ABHD6: variants seen among roughly 807,000 people sequenced by gnomAD.
The protein encoded by ABHD6 is monoacylglycerol lipase ABHD6.
In ABHD6, 33 loss-of-function variants were observed where a neutral mutation model predicts 38.8. The ratio of observed to expected loss-of-function variants is 0.85; its 90% CI spans 0.64 to 1.14. The LOEUF (loss-of-function observed/expected upper bound fraction) is 1.14. ABHD6 is among the 50% of genes most tolerant of loss of function. ABHD6 has a pLI of 0.00. For synonymous variants in ABHD6, 147 were observed against 161.6 expected (o/e 0.91, Z 0.69); for missense variants, 380 against 422.6 (o/e 0.90, Z 0.88).
chr3:58,265,280 A>G lies in ABHD6; in HGVS notation c.120-1909A>G, dbSNP rs991859453. Reference sequence around the variant, plus strand: ...TTTTTTATGTTTGTTAGTCATTAATATCTTTTCTACTCTAAGGTACCTTTT... The same window carrying G: ...TTTTTTATGTTTGTTAGTCATTAATGTCTTTTCTACTCTAAGGTACCTTTT... On this transcript the variant is annotated intron_variant, in intron 3 of 9. Transcript: ENST00000478253. The surrounding 1 kb of genome is among the most constrained non-coding windows in gnomAD (Gnocchi z 4.2). Among the ~76,000 whole-genome samples the G allele has an allele frequency of 1.3e-5, 2 of 152,170 alleles. No individual in the cohort carries two copies. Among genetic ancestry groups the G allele is most frequent in the African/African-American group, 4.8e-5 (2 of 41,454 alleles).
At chr3:58,288,410 C>T (rs961521393) in intron 9 of ABHD6, among the ~76,000 whole-genome samples, 1 of 152,198 alleles carries the variant, frequency 6.6e-6, no homozygotes, top group Non-Finnish European at 1.5e-5. Context: ...GAGAGGGTTT[C>T]TGCATGCTTC....
intron 9 of ABHD6, among the ~76,000 whole-genome samples, chr3:58,289,914 G>T: frequency 6.9e-6 from 1 of 144,854 alleles, no homozygotes; most frequent in African/African-American, 2.7e-5. Context: ...GGGCAGAGGG[G>T]CTCCTCACTT....
intron 1 of ABHD6, among the ~76,000 whole-genome samples, chr3:58,247,430 G>C (rs1370047161): frequency 6.6e-6 from 1 of 152,160 alleles, no homozygotes; most frequent in African/African-American, 2.4e-5. Context: ...CTTGTGGCTA[G>C]TGCAGCTGAA....
At chr3:58,241,325 G>A (rs1337648021) in intron 1 of ABHD6, among the ~76,000 whole-genome samples, 3 of 152,052 alleles carry the variant, frequency 2.0e-5, no homozygotes, top group Admixed American at 6.6e-5. Context: ...CCTATTTGAC[G>A]CTTCCCAATC....
At position 58,290,577 on chromosome 3, in the gene ABHD6, C is replaced by T. The variant is rs540405913; in HGVS notation, c.838-3012C>T. Among the ~76,000 whole-genome samples, 158 of 37,204 alleles carry T rather than the reference C, an allele frequency of 4.2e-3. 5 individuals carry two copies. Among genetic ancestry groups the T allele is most frequent in the East Asian group, 0.036 (10 of 278 alleles). The allele number at this position is 37,204 out of a possible 152,430, so 24.4% of individuals were successfully genotyped here. A position where few individuals can be genotyped will look rare whatever the true frequency, so the allele number is the denominator to read the frequency against. ...GCCAGGCGGAGAGGCTCCTCACTTC[C>T]CAGACGGGGTGGCTGCCGGGCGGAG... On this transcript the variant is annotated intron_variant, in intron 9 of 9. Transcript: ENST00000478253.
chr3:58,270,951 T>G lies in ABHD6; in HGVS notation c.410T>G (p.Leu137Arg), dbSNP rs2097444398. 3.7e-6 allele frequency: 6 copies of G among 1,609,926 alleles called. No homozygotes were observed. The highest frequency in any genetic ancestry group is 1.3e-5 in the African/African-American group (1 of 74,764). Residue 137 changes from leucine to arginine, a missense_variant, in exon 6 of 10, where the codon CTG becomes CGG. Transcript: ENST00000478253. ...TCCTAGTTTGTAGAATGCCTGAAGC[T>G]GAACAAAAAACCTTTCCACCTGGTA... ...RIHQFVECLK[L>R]NKKPFHLVGT... is the part of the protein sequence containing the mutation.
At chr3:58,250,698 G>C (rs2097429324) in intron 2 of ABHD6, among the ~76,000 whole-genome samples, 1 of 152,042 alleles carries the variant, frequency 6.6e-6, no homozygotes, top group Non-Finnish European at 1.5e-5. Flanking sequence ...AACCCAACTG[G>C]GATTGGGTTT....
intron 1 of ABHD6, among the ~76,000 whole-genome samples, chr3:58,240,799 C>T (rs765105670): frequency 4.7e-5 from 7 of 147,616 alleles, no homozygotes; most frequent in Non-Finnish European, 7.4e-5. Flanking sequence ...AGCGCGATCT[C>T]GGCTCACCGC....
chr3:58,276,994 C>T (rs1246417398), intron 7 of ABHD6, among the ~76,000 whole-genome samples: 5 of 152,140 alleles, frequency 3.3e-5, no homozygotes, highest in Non-Finnish European at 5.9e-5. Context: ...TGTACCAGTA[C>T]CATGCTGTTT....
intron 3 of ABHD6, among the ~76,000 whole-genome samples, chr3:58,262,169 G>A (rs146000081): frequency 7.9e-4 from 120 of 152,296 alleles, no homozygotes; most frequent in Non-Finnish European, 1.2e-3. Context: ...GAGGTTGCTA[G>A]GGGACTGGGG....
chr3:58,258,477 A>G (rs1261758502), intron 3 of ABHD6: 1 of 339,670 alleles, frequency 2.9e-6, no homozygotes. Context: ...TTAACAGTCA[A>G]AAAGAAAGTG....
chr3:58,279,798 C>G (rs1349941925), intron 7 of ABHD6, among the ~76,000 whole-genome samples: 1 of 152,200 alleles, frequency 6.6e-6, no homozygotes, highest in Non-Finnish European at 1.5e-5. Flanking sequence ...GTGACAGAAT[C>G]TCTCAGCGTT....
rs1348711802 is a variant in ABHD6 at position 58,285,374 on chromosome 3, A to G, written c.758A>G (p.Glu253Gly). 2.5e-6 allele frequency: 4 copies of G among 1,614,064 alleles called. No homozygotes were observed. Among genetic ancestry groups the G allele is most frequent in the African/African-American group, 2.7e-5 (2 of 74,930 alleles). ...CAAGTGTTTTTGGAAATCGTCAGTG[A>G]GAAGTCCAGATACTCTCTCCATCAG... Reference protein sequence around the residue: ...YRKLFLEIVSEKSRYSLHQNM... With the variant: ...YRKLFLEIVSGKSRYSLHQNM... The change falls in exon 9 of 10, where the codon GAG (glutamate) becomes GGG (glycine). Residue 253 changes from glutamate (E) to glycine (G), a missense_variant. Transcript: ENST00000478253. This position sits in a 1 kb window ranked among gnomAD's most constrained non-coding sequence, Gnocchi z 4.9.
Position 58,287,432 on chromosome 3 carries a change from G to A in ABHD6, c.837+1979G>A, listed in dbSNP as rs1253060688. 6.6e-6 allele frequency among the ~76,000 whole-genome samples: 1 copy of A among 152,130 alleles called. No individual in the cohort carries two copies. Among genetic ancestry groups the A allele is most frequent in the Admixed American group, 6.5e-5 (1 of 15,280 alleles). ...AGGCAGGAGAGAGTGGGGAGGAGCA[G>A]CCAGGCTGTGCCCATGGCGTGTACG... On this transcript the variant is annotated intron_variant, in intron 9 of 9. Transcript: ENST00000478253. The surrounding 1 kb of genome is among the most constrained non-coding windows in gnomAD (Gnocchi z 4.7).
chr3:58,279,304 A>G (rs2097451138), intron 7 of ABHD6, among the ~76,000 whole-genome samples: 1 of 152,164 alleles, frequency 6.6e-6, no homozygotes, highest in Non-Finnish European at 1.5e-5. Flanking sequence ...GTGCATATAT[A>G]TTTAGGATAG....
intron 3 of ABHD6, among the ~76,000 whole-genome samples, chr3:58,261,799 C>G (rs1197150885): frequency 6.6e-6 from 1 of 152,178 alleles, no homozygotes; most frequent in African/African-American, 2.4e-5. Flanking sequence ...GTCGGCTCCC[C>G]AGAAAGTTAT....
In ABHD6 at chr3:58,256,336, C is replaced by T. The variant is rs573810180; in HGVS notation, c.-25-226C>T. Among the ~76,000 whole-genome samples the T allele has an allele frequency of 4.7e-3, 454 of 96,070 alleles. 3 individuals are homozygous for T. The highest frequency in any genetic ancestry group is 0.023 in the African/African-American group (432 of 19,136). The allele number at this position is 96,070 out of a possible 152,430, so 63.0% of individuals were successfully genotyped here. ...TTTTCACATTTGTCCCAACTATGTC[C>T]TTTATAATGTTTTTTTTTTTTACAA... is the stretch of plus-strand genomic sequence containing the variant. On this transcript the variant is annotated intron_variant, in intron 2 of 9. Transcript: ENST00000478253. The surrounding 1 kb of genome is among the most constrained non-coding windows in gnomAD (Gnocchi z 4.3).
intron 1 of ABHD6, among the ~76,000 whole-genome samples, chr3:58,245,683 G>A (rs919032370): frequency 1.3e-5 from 2 of 152,148 alleles, no homozygotes; most frequent in Non-Finnish European, 2.9e-5. Flanking sequence ...GGGAGACTGA[G>A]GCACAAGAAT....
intron 2 of ABHD6, among the ~76,000 whole-genome samples, chr3:58,254,912 C>A (rs2097432313): frequency 6.6e-6 from 1 of 151,492 alleles, no homozygotes; most frequent in African/African-American, 2.4e-5. Flanking sequence ...GAGATGAGGT[C>A]TTGCCATGTT....
Sources: allele counts gnomAD v4.1 joint callset (sites outside exome capture counted in the v4.1 genomes callset), GRCh38; gene constraint gnomAD v4.1.1; non-coding constraint Gnocchi (gnomAD v3.1); transcripts MANE v1.5; gene names NCBI Gene and HGNC (gene_info 2026-07-23, HGNC 2026-07-21).